Variants in PLOD3 observed in about 807,000 individuals in gnomAD.
PLOD3 encodes the protein procollagen-lysine,2-oxoglutarate 5-dioxygenase 3, also known as multifunctional procollagen lysine hydroxylase and glycosyltransferase LH3.
Under a neutral mutation model 96.9 loss-of-function variants are expected in PLOD3, and 73 were observed. The observed-to-expected ratio is 0.75, with a 90% CI of 0.62 to 0.92. The LOEUF (loss-of-function observed/expected upper bound fraction) is 0.92, where lower values mean the gene tolerates loss of function less well. Ranked by LOEUF, PLOD3 falls within the 40% of genes least tolerant of loss-of-function variation. PLOD3 has a pLI of 0.00. For missense variants in PLOD3, 1,004 were observed against 1,004.3 expected (o/e 1.00, Z 0.00); for synonymous variants, 454 against 413.7 (o/e 1.10, Z -1.18).
At chr7:101,210,051 C>T (rs1239773461) in intron 15 of PLOD3, 42 bp downstream of exon 15, 1 of 1,270,882 alleles carries the variant, frequency 7.9e-7, no homozygotes, top group Non-Finnish European at 1.1e-6. Context: ...GAGGCGATGG[C>T]CATGAGGGCA....
In PLOD3 at chr7:101,216,466, C is replaced by G; in HGVS notation, c.282G>C (p.Lys94Asn). ...VGGGQKVRWL[K>N]KEMEKYADRE... ...GGTCAGCGTATTTCTCCATTTCCTTCTTTAACCACCGGACCTTCTGTCCTC... is the reference window on the plus strand; with the variant it reads ...GGTCAGCGTATTTCTCCATTTCCTTGTTTAACCACCGGACCTTCTGTCCTC... The change falls in exon 3 of 19, where the codon AAG (lysine) becomes AAC (asparagine). Residue 94 changes from lysine (K) to asparagine (N), a missense_variant. Lys to Asn is a moderately conservative substitution (Grantham distance 94). This residue lies in a region of PLOD3 where 690 missense variants were observed against 650.2 expected (regional missense o/e 1.06). Transcript: ENST00000223127. 6.2e-7 allele frequency: 1 copy of G among 1,614,204 alleles called. No individual in the cohort carries two copies. Among genetic ancestry groups the G allele is most frequent in the South Asian group, 1.1e-5 (1 of 91,084 alleles).
intron 18 of PLOD3, 89 bp from the exon 19 acceptor site, chr7:101,206,525 G>C: frequency 2.4e-6 from 3 of 1,236,672 alleles, no homozygotes; most frequent in Non-Finnish European, 3.4e-6. Context: ...GCCAGACCGG[G>C]GGGCACGGTG....
chr7:101,210,949 T>C, intron 12 of PLOD3: 1 of 432,224 alleles, frequency 2.3e-6, no homozygotes, highest in Non-Finnish European at 4.3e-6. Context: ...GGTGTGATCT[T>C]GGCTCACTGC....
At position 101,208,973 on chromosome 7, in the gene PLOD3, G is replaced by A. The variant is rs775061164; in HGVS notation, c.1684-16C>T. ...CCGGGCATGGCTGAGGATGGGGCGA[G>A]GGAGAACAGGGCTAGCTGACGCCGC... is the stretch of plus-strand genomic sequence containing the variant. On this transcript the variant is annotated splice_polypyrimidine_tract_variant and intron_variant, in intron 15 of 18. Transcript: ENST00000223127. The A allele has an allele frequency of 1.9e-6, 3 of 1,560,498 alleles. No individual in the cohort carries two copies. Among genetic ancestry groups the A allele is most frequent in the Non-Finnish European group, 2.7e-6 (3 of 1,131,264 alleles).
In PLOD3 at chr7:101,216,259, G is replaced by A; in HGVS notation, c.406C>T (p.Leu136=). ...CAGAAGCTCTCTGCAGAGAAGAGCA[G>A]GCGGCTGCCACTCTGGACGAACTTC... ...LKKFVQSGSR[L]LFSAESFCWP... is the part of the protein sequence containing the mutation. Residue 136 remains leucine, a synonymous_variant, in exon 4 of 19, where the codon CTG becomes TTG. Transcript: ENST00000223127. The A allele has an allele frequency of 6.2e-7, 1 of 1,613,672 alleles. No individual in the cohort carries two copies. Among genetic ancestry groups the A allele is most frequent in the Non-Finnish European group, 8.5e-7 (1 of 1,180,024 alleles).
rs1416336002 is a variant in PLOD3, at chr7:101,207,825, T to C, written c.1789-101A>G. 4.5e-5 allele frequency: 56 copies of C among 1,249,302 alleles called. No individual in the cohort carries two copies. The Admixed American group carries it at 9.7e-4, about 22-fold the overall frequency. 77.4% of individuals were successfully genotyped at this position (1,249,302 alleles called of 1,614,324 possible). ...CCTCCCGTCCTCCAGCCTTCACACC[T>C]GTGTTCCTCTGTGCAGAACAGTCTT... On this transcript the variant is annotated intron_variant, in intron 16 of 18. Coordinates refer to ENST00000223127, the MANE Select transcript of PLOD3 (RefSeq NM_001084.5).
chr7:101,210,153 C>T lies in PLOD3; in HGVS notation c.1623G>A (p.Lys541=), dbSNP rs1381030256. ...TGTAGTTCTCGTGGATGTACTGCTC[C>T]TTCCAGTCCTGTGAGAGGGTGGGGG... ...WQIFDNPVDW[K]EQYIHENYSR... The change falls in exon 15 of 19, where the codon AAG becomes AAA. Residue 541 remains lysine, a synonymous_variant. Coordinates refer to ENST00000223127, the MANE Select transcript of PLOD3 (RefSeq NM_001084.5). 1 of 1,607,236 alleles carries T rather than the reference C, an allele frequency of 6.2e-7. No homozygotes were observed. The highest frequency in any genetic ancestry group is 8.5e-7 in the Non-Finnish European group (1 of 1,176,776).
rs577414649 is a variant in PLOD3, at chr7:101,213,516, T to A, written c.680-312A>T. The A allele has an allele frequency of 2.0e-4, 66 of 337,768 alleles. 1 individual carries two copies. The highest frequency in any genetic ancestry group is 5.6e-4 in the African/African-American group (26 of 46,704). The allele number at this position is 337,768 out of a possible 1,614,324, so 20.9% of individuals were successfully genotyped here. ...ATTCTCTCTCTCCTTGTTTTTTTTT[T>A]TTTTTATTTTTATTTTTTGAGATGG... On this transcript the variant is annotated intron_variant, in intron 6 of 18. Coordinates refer to ENST00000223127, the MANE Select transcript of PLOD3 (RefSeq NM_001084.5).
At position 101,206,272 on chromosome 7, in the gene PLOD3, G is replaced by T. The variant is rs1236205296; in HGVS notation, c.*9C>A. 6.2e-7 allele frequency: 1 copy of T among 1,613,718 alleles called. No homozygotes were observed. Among genetic ancestry groups the T allele is most frequent in the Non-Finnish European group, 8.5e-7 (1 of 1,179,862 alleles). Reference sequence around the variant, plus strand: ...AATGGCAGGGCAGGTTTGGCAGAGTGGTTGAGTGTCAGGGGTCGACAAAGG... The same window carrying T: ...AATGGCAGGGCAGGTTTGGCAGAGTTGTTGAGTGTCAGGGGTCGACAAAGG... On this transcript the variant is annotated 3_prime_UTR_variant, in exon 19 of 19. Coordinates refer to ENST00000223127, the MANE Select transcript of PLOD3 (RefSeq NM_001084.5).
In PLOD3 at chr7:101,207,713, C is replaced by T; in HGVS notation, c.1800G>A (p.Leu600=). ...WSGGRHEDSR[L]AGGYENVPTV... ...TGGGCACATTCTCGTAGCCTCCAGCCAGCCTTGAATCCTGGGGGCGGCGGG... is the reference window on the plus strand; with the variant it reads ...TGGGCACATTCTCGTAGCCTCCAGCTAGCCTTGAATCCTGGGGGCGGCGGG... Residue 600 remains leucine, a synonymous_variant, in exon 17 of 19, where the codon CTG becomes CTA. Transcript: ENST00000223127. The T allele has an allele frequency of 1.9e-6, 3 of 1,613,888 alleles. No individual in the cohort carries two copies. Among genetic ancestry groups the T allele is most frequent in the Non-Finnish European group, 2.5e-6 (3 of 1,179,946 alleles).
chr7:101,212,435 G>T lies in PLOD3; in HGVS notation c.1006-61C>A, dbSNP rs376097089. The T allele has an allele frequency of 5.0e-6, 8 of 1,586,496 alleles. No individual in the cohort carries two copies. In the African/African-American group the frequency reaches 8.1e-5, roughly 16 times the overall value. ...GGCAGGGAGGCGGCACCTGAGGGAT[G>T]GGGGTGCAGGAAGGAGATGGGGGTG... On this transcript the variant is annotated intron_variant, in intron 9 of 18. Transcript: ENST00000223127.
Position 101,206,800 on chromosome 7 carries a change from GT to G in PLOD3, c.2039del (p.Asn680ThrfsTer20). 1 of 1,583,756 alleles carries G rather than the reference GT, an allele frequency of 6.3e-7. No homozygotes were observed. The highest frequency in any genetic ancestry group is 1.2e-5 in the South Asian group (1 of 86,532). On this transcript the variant is annotated frameshift_variant, in exon 18 of 19. Transcript: ENST00000223127. LOFTEE classifies it low-confidence loss of function (END_TRUNC). Reference sequence around the variant, plus strand: ...GCACCTCATAGTCCAGGCCCTTGTGGTTGAGGGCAACGTTGAGGGTGAAGGT... The same window carrying G: ...GCACCTCATAGTCCAGGCCCTTGTGGTGAGGGCAACGTTGAGGGTGAAGGT... ...SSTFTLNVAL[N>X]HKGLDYEGGG... is the part of the protein sequence containing the mutation.
chr7:101,216,594 G>T lies in PLOD3; in HGVS notation c.202-48C>A, dbSNP rs371381371. On this transcript the variant is annotated intron_variant, in intron 2 of 18. Coordinates refer to ENST00000223127, the MANE Select transcript of PLOD3 (RefSeq NM_001084.5). Reference sequence around the variant, plus strand: ...CCAGGCAAGGGGTGGGGAGTTGTGGGGGGAACTCCTGACCAGGCTTACCGT... The same window carrying T: ...CCAGGCAAGGGGTGGGGAGTTGTGGTGGGAACTCCTGACCAGGCTTACCGT... 3 of 1,612,760 alleles carry T rather than the reference G, an allele frequency of 1.9e-6. No homozygotes were observed. In the African/African-American group the frequency reaches 4.0e-5, roughly 22 times the overall value.
rs5886172 is a variant in PLOD3 at position 101,215,672 on chromosome 7, C to CT, written c.615+235dup. Among the ~76,000 whole-genome samples, 1,448 of 151,496 alleles carry CT rather than the reference C, an allele frequency of 9.6e-3. 6 individuals are homozygous for CT. The highest frequency in any genetic ancestry group is 0.013 in the South Asian group (63 of 4,788). On this transcript the variant is annotated intron_variant, in intron 5 of 18. Coordinates refer to ENST00000223127, the MANE Select transcript of PLOD3 (RefSeq NM_001084.5). The stretch of plus-strand genomic sequence containing the variant: ...ATGAAGCCTGGCTAATTTTTTCTTT[C>CT]TTTTTTTTTGTAGAGATGAGGTCTC...
intron 15 of PLOD3, 99 bp downstream of exon 15, chr7:101,209,994 C>A: frequency 1.6e-6 from 1 of 621,604 alleles, no homozygotes; most frequent in Non-Finnish European, 2.9e-6. Context: ...CCTCAGATCT[C>A]TGGGGAACTC....
intron 6 of PLOD3, 55 bp downstream of exon 6, chr7:101,215,034 G>T: frequency 7.5e-7 from 1 of 1,332,848 alleles, no homozygotes; most frequent in Non-Finnish European, 1.1e-6. Flanking sequence ...CCCAGCTCAA[G>T]ACCCCTAGCT....
At chr7:101,209,021 G>T in intron 15 of PLOD3, 64 bp from the exon 16 acceptor site, 1 of 1,197,618 alleles carries the variant, frequency 8.3e-7, no homozygotes, top group Non-Finnish European at 1.2e-6. Flanking sequence ...GGGACAGGCA[G>T]CAGGCAGAAT....
At chr7:101,215,476 G>A (rs1255136803) in intron 5 of PLOD3, among the ~76,000 whole-genome samples, 1 of 152,092 alleles carries the variant, frequency 6.6e-6, no homozygotes, top group Non-Finnish European at 1.5e-5. Context: ...GCCTCCCAAA[G>A]TGCTGGGATT....
chr7:101,213,161 C>T lies in PLOD3; in HGVS notation c.723G>A (p.Arg241=). Reference sequence around the variant, plus strand: ...TGGGGAGCGTGTCGTAGGCCACGTTCCGGATACGCACACGGTTCCGATCAA... The same window carrying T: ...TGGGGAGCGTGTCGTAGGCCACGTTTCGGATACGCACACGGTTCCGATCAA... The part of the protein sequence containing the change: ...LKFDRNRVRI[R]NVAYDTLPIV... Residue 241 remains arginine (R), a synonymous_variant, in exon 7 of 19, where the codon CGG becomes CGA. Coordinates refer to ENST00000223127, the MANE Select transcript of PLOD3 (RefSeq NM_001084.5). The T allele has an allele frequency of 6.2e-7, 1 of 1,613,900 alleles. No individual in the cohort carries two copies. Among genetic ancestry groups the T allele is most frequent in the Non-Finnish European group, 8.5e-7 (1 of 1,179,860 alleles).
Sources: gnomAD v4.1 joint callset for allele counts (sites outside exome capture counted in the v4.1 genomes callset) on GRCh38, gnomAD v4.1.1 for gene constraint, gnomAD v4.1.1 regional missense constraint, MANE v1.5 for transcripts, NCBI Gene and HGNC (gene_info 2026-07-23, HGNC 2026-07-21) for gene names.